COBL: variants seen among roughly 807,000 people sequenced by gnomAD.
COBL encodes the protein protein cordon-bleu.
A neutral mutation model predicts 98.8 loss-of-function variants in COBL; 51 were observed. The observed-to-expected ratio is 0.52, with a 90% CI of 0.41 to 0.65. The LOEUF (loss-of-function observed/expected upper bound fraction) is 0.65, where lower values mean the gene tolerates loss of function less well. Ranked by LOEUF, COBL falls within the 30% of genes least tolerant of loss-of-function variation. The pLI, the probability that COBL is intolerant of heterozygous loss-of-function variation, is 0.00. For synonymous variants in COBL, 634 were observed against 651.7 expected (o/e 0.97, Z 0.41); for missense variants, 1,617 against 1,617.5 (o/e 1.00, Z 0.01).
chr7:51,019,234 T>C (rs1786672022), intron 12 of COBL, among the ~76,000 whole-genome samples: 1 of 151,708 alleles, frequency 6.6e-6, no homozygotes, highest in African/African-American at 2.4e-5. Context: ...ACTCTGGAAT[T>C]TGATGAGGTC....
At chr7:51,160,533 C>G (rs753998397) in intron 5 of COBL, among the ~76,000 whole-genome samples, 34 of 152,276 alleles carry the variant, frequency 2.2e-4, no homozygotes, top group Admixed American at 1.6e-3. Flanking sequence ...AAGCAATGAG[C>G]AACAGGGCCG....
intron 4 of COBL, among the ~76,000 whole-genome samples, chr7:51,189,470 C>A (rs940233403): frequency 1.3e-5 from 2 of 152,086 alleles, no homozygotes; most frequent in Admixed American, 6.5e-5. Context: ...CCCGTCTCTA[C>A]TAAAAACACA....
chr7:51,043,324 CT>C (rs1789385192), intron 8 of COBL, 58 bp downstream of exon 8: 1 of 1,537,708 alleles, frequency 6.5e-7, no homozygotes, highest in Non-Finnish European at 8.9e-7. Context: ...AAAAGACCCT[CT>C]TTAGAGACAC....
At chr7:51,163,320 A>G (rs1349768079) in intron 5 of COBL, among the ~76,000 whole-genome samples, 8 of 152,242 alleles carry the variant, frequency 5.3e-5, no homozygotes, top group Admixed American at 2.0e-4. Flanking sequence ...CATAGCCAAC[A>G]TAAGTAGATA....
At chr7:51,272,043 T>TAAAC (rs903462877) in intron 1 of COBL, among the ~76,000 whole-genome samples, 11 of 152,074 alleles carry the variant, frequency 7.2e-5, no homozygotes, top group African/African-American at 2.7e-4. Context: ...AATAAATAAA[T>TAAAC]AAACAAACAA....
intron 1 of COBL, among the ~76,000 whole-genome samples, chr7:51,258,469 G>A (rs1388558631): frequency 6.6e-5 from 10 of 152,132 alleles, no homozygotes; most frequent in African/African-American, 1.9e-4. Flanking sequence ...CAGACGAGGC[G>A]GCAGCCAATG....
intron 5 of COBL, among the ~76,000 whole-genome samples, chr7:51,171,553 T>A (rs980476033): frequency 9.2e-5 from 14 of 152,192 alleles, no homozygotes; most frequent in African/African-American, 3.1e-4. Context: ...TGAAATTTTT[T>A]AATTGTCTTT....
intron 7 of COBL, chr7:51,064,752 T>C (rs1791726025): frequency 5.9e-6 from 1 of 169,976 alleles, no homozygotes; most frequent in African/African-American, 2.4e-5. Context: ...ATGGGACATT[T>C]TATATTTTTT....
chr7:51,101,610 A>G (rs1795811135), intron 6 of COBL, among the ~76,000 whole-genome samples: 1 of 152,194 alleles, frequency 6.6e-6, no homozygotes, highest in African/African-American at 2.4e-5. Flanking sequence ...GCAGTTTTGA[A>G]TGGAAATGTT....
At chr7:51,044,356 G>A (rs1789494082) in intron 7 of COBL, among the ~76,000 whole-genome samples, 1 of 152,130 alleles carries the variant, frequency 6.6e-6, no homozygotes. Flanking sequence ...CTAATGATGG[G>A]TAGCACTATG....
intron 8 of COBL, among the ~76,000 whole-genome samples, chr7:51,039,696 C>T (rs1333467813): frequency 6.6e-6 from 1 of 152,224 alleles, no homozygotes; most frequent in Non-Finnish European, 1.5e-5. Flanking sequence ...GCAAAGTAAT[C>T]TTGTTTCTCC....
At chr7:51,172,992 T>C (rs1007546134) in intron 5 of COBL, among the ~76,000 whole-genome samples, 8 of 152,018 alleles carry the variant, frequency 5.3e-5, no homozygotes, top group Non-Finnish European at 1.2e-4. Context: ...TTTCACCATG[T>C]TGGCCAGGCT....
intron 7 of COBL, chr7:51,065,472 C>A: frequency 1.5e-6 from 1 of 689,182 alleles, no homozygotes; most frequent in South Asian, 1.5e-5. Flanking sequence ...GGAGGAAATT[C>A]AAAGTCAGGG....
intron 5 of COBL, among the ~76,000 whole-genome samples, chr7:51,152,788 G>A (rs1785690405): frequency 6.6e-6 from 1 of 152,170 alleles, no homozygotes; most frequent in African/African-American, 2.4e-5. Flanking sequence ...GATTTGTCTG[G>A]TGGATTCAGG....
chr7:51,299,169 C>T (rs1305473079), intron 1 of COBL, among the ~76,000 whole-genome samples: 1 of 151,898 alleles, frequency 6.6e-6, no homozygotes, highest in Admixed American at 6.6e-5. Context: ...AGCACACATA[C>T]ATACACACAC....
At chr7:51,218,847 A>C (rs1312992239) in intron 2 of COBL, among the ~76,000 whole-genome samples, 1 of 152,210 alleles carries the variant, frequency 6.6e-6, no homozygotes, top group Non-Finnish European at 1.5e-5. Flanking sequence ...AATCATACAA[A>C]TATGTATGAA....
chr7:51,053,522 A>G (rs2128899800), intron 7 of COBL, among the ~76,000 whole-genome samples: 1 of 152,376 alleles, frequency 6.6e-6, no homozygotes, highest in South Asian at 2.1e-4. Flanking sequence ...GCAATAACAG[A>G]AAAGAGCATT....
chr7:51,241,084 C>T (rs1795745621), intron 1 of COBL, among the ~76,000 whole-genome samples: 1 of 152,138 alleles, frequency 6.6e-6, no homozygotes, highest in African/African-American at 2.4e-5. Flanking sequence ...ACCTGGTAAC[C>T]CTGCTGGTGT....
chr7:51,212,681 T>C (rs78227627), intron 2 of COBL, among the ~76,000 whole-genome samples: 6,700 of 152,306 alleles, frequency 0.044, 382 homozygotes, highest in South Asian at 0.15. Context: ...TTCTTAGGAC[T>C]GCGTACTCAT....
Sources: gnomAD v4.1 joint callset for allele counts (sites outside exome capture counted in the v4.1 genomes callset) on GRCh38, gnomAD v4.1.1 for gene constraint, MANE v1.5 for transcripts, NCBI Gene and HGNC (gene_info 2026-07-23, HGNC 2026-07-21) for gene names.